The following RNF180 variants were observed in gnomAD, a reference collection of about 807,000 sequenced individuals.
The protein encoded by RNF180 is E3 ubiquitin-protein ligase RNF180.
A neutral mutation model predicts 59.2 loss-of-function variants in RNF180; 38 were observed. That is an observed-to-expected ratio of 0.64 (90% CI 0.50 to 0.84). RNF180 has a LOEUF of 0.84. Among genes scored for constraint, RNF180 ranks in the 40% least tolerant of loss-of-function variants. The pLI is 0.00. For missense variants in RNF180, 705 were observed against 700.9 expected (o/e 1.01, Z -0.07); for synonymous variants, 262 against 240.3 (o/e 1.09, Z -0.84).
At chr5:64,310,901 C>G (rs1487415102) in intron 5 of RNF180, among the ~76,000 whole-genome samples, 1 of 151,952 alleles carries the variant, frequency 6.6e-6, no homozygotes, top group Non-Finnish European at 1.5e-5. Context: ...TTCATTTCTT[C>G]TGCCACACCT....
At chr5:64,352,495 G>A (rs6860433) in intron 7 of RNF180, among the ~76,000 whole-genome samples, 51,316 of 151,590 alleles carry the variant, frequency 0.34, 9,773 homozygotes, top group African/African-American at 0.53. Context: ...TGTGATGTTA[G>A]GGTGTCAATT....
At chr5:64,237,139 G>A (rs1221508872) in intron 5 of RNF180, among the ~76,000 whole-genome samples, 1 of 152,178 alleles carries the variant, frequency 6.6e-6, no homozygotes, top group African/African-American at 2.4e-5. Context: ...TGCACCTTGA[G>A]CTTGGAAAAA....
At chr5:64,259,019 CAT>C (rs1285269398) in intron 5 of RNF180, among the ~76,000 whole-genome samples, 1 of 152,112 alleles carries the variant, frequency 6.6e-6, no homozygotes, top group African/African-American at 2.4e-5. Flanking sequence ...TATATAGCCA[CAT>C]GTGAGTATAT....
chr5:64,284,166 C>T (rs1742156514), intron 5 of RNF180, among the ~76,000 whole-genome samples: 2 of 152,138 alleles, frequency 1.3e-5, no homozygotes, highest in Admixed American at 6.5e-5. Flanking sequence ...TTTCTTTAGG[C>T]ATGTTGAATA....
At chr5:64,257,011 A>G (rs1165096573) in intron 5 of RNF180, among the ~76,000 whole-genome samples, 1 of 152,062 alleles carries the variant, frequency 6.6e-6, no homozygotes, top group African/African-American at 2.4e-5. Context: ...TTTGTCTGTT[A>G]TTGGTGTATA....
chr5:64,247,693 T>C (rs568262723), intron 5 of RNF180, among the ~76,000 whole-genome samples: 2 of 152,272 alleles, frequency 1.3e-5, no homozygotes, highest in South Asian at 4.1e-4. Flanking sequence ...CACAAAGTAA[T>C]TTATAGATTC....
chr5:64,293,291 G>T (rs1404584153), intron 5 of RNF180, among the ~76,000 whole-genome samples: 1 of 152,032 alleles, frequency 6.6e-6, no homozygotes, highest in African/African-American at 2.4e-5. Flanking sequence ...ATTCTTCATG[G>T]GTTGAGTTGT....
At chr5:64,262,173 G>C (rs1196617310) in intron 5 of RNF180, among the ~76,000 whole-genome samples, 1 of 152,050 alleles carries the variant, frequency 6.6e-6, no homozygotes, top group African/African-American at 2.4e-5. Context: ...GATACAAATT[G>C]CTTTAATCAA....
intron 7 of RNF180, among the ~76,000 whole-genome samples, chr5:64,357,920 A>T (rs984695566): frequency 6.6e-6 from 1 of 151,874 alleles, no homozygotes; most frequent in East Asian, 1.9e-4. Flanking sequence ...AATTTTTATA[A>T]CCTAAACCTG....
chr5:64,257,858 A>C (rs1351497506), intron 5 of RNF180, among the ~76,000 whole-genome samples: 1 of 152,206 alleles, frequency 6.6e-6, no homozygotes, highest in Non-Finnish European at 1.5e-5. Context: ...AAGGATATAC[A>C]GGAATTGAAC....
chr5:64,360,732 G>C (rs1746222759), intron 7 of RNF180, among the ~76,000 whole-genome samples: 1 of 151,708 alleles, frequency 6.6e-6, no homozygotes, highest in African/African-American at 2.4e-5. Flanking sequence ...TTTGGCCACT[G>C]TCATAGATGG....
At chr5:64,330,036 T>C (rs560414165) in intron 6 of RNF180, among the ~76,000 whole-genome samples, 91 of 152,256 alleles carry the variant, frequency 6.0e-4, no homozygotes, top group African/African-American at 2.0e-3. Context: ...CTGCTTGACA[T>C]AGGAGCTACT....
intron 1 of RNF180, among the ~76,000 whole-genome samples, chr5:64,188,910 A>G (rs758689654): frequency 1.3e-5 from 2 of 152,148 alleles, no homozygotes; most frequent in Non-Finnish European, 2.9e-5. Context: ...ATGTGACTAT[A>G]TTTGGACATG....
At chr5:64,258,276 A>C (rs557260967) in intron 5 of RNF180, among the ~76,000 whole-genome samples, 40 of 152,308 alleles carry the variant, frequency 2.6e-4, no homozygotes, top group South Asian at 8.3e-4. Context: ...CCTTACAAGG[A>C]AATTTAAAAA....
At chr5:64,179,904 A>G (rs1053612272) in intron 1 of RNF180, among the ~76,000 whole-genome samples, 1 of 152,114 alleles carries the variant, frequency 6.6e-6, no homozygotes, top group African/African-American at 2.4e-5. Flanking sequence ...TATAGTTGGT[A>G]TTGTAAGACT....
intron 5 of RNF180, among the ~76,000 whole-genome samples, chr5:64,321,541 T>A (rs1310516687): frequency 6.6e-6 from 1 of 152,120 alleles, no homozygotes; most frequent in African/African-American, 2.4e-5. Flanking sequence ...TAGAAAAACG[T>A]TTCATCCTCG....
intron 4 of RNF180, among the ~76,000 whole-genome samples, chr5:64,215,272 TGACTTTATTATCTACTTATTCATAATA>T (rs1752557116): frequency 6.6e-6 from 1 of 152,162 alleles, no homozygotes; most frequent in African/African-American, 2.4e-5. Context: ...TTTTGCAAAT[TGACTTTATTATCTACTTATTCATAATA>T]GTGTCCTTAT....
At chr5:64,248,469 A>C (rs879446877) in intron 5 of RNF180, among the ~76,000 whole-genome samples, 1 of 152,264 alleles carries the variant, frequency 6.6e-6, no homozygotes, top group African/African-American at 2.4e-5. Flanking sequence ...TTCTCAAAAG[A>C]AGACAACAAA....
chr5:64,197,437 T>G (rs1346277548), intron 1 of RNF180, among the ~76,000 whole-genome samples: 1 of 152,214 alleles, frequency 6.6e-6, no homozygotes, highest in Admixed American at 6.5e-5. Context: ...TTCACTGTAT[T>G]GACATTTGCA....
Sources: allele counts gnomAD v4.1 joint callset (sites outside exome capture counted in the v4.1 genomes callset), GRCh38; gene constraint gnomAD v4.1.1; transcripts MANE v1.5; gene names NCBI Gene and HGNC (gene_info 2026-07-23, HGNC 2026-07-21).